The following TJP1 variants were observed in gnomAD, a reference collection of about 807,000 sequenced individuals.
TJP1 encodes the protein tight junction protein 1.
In TJP1, 43 loss-of-function variants were observed where a neutral mutation model predicts 194.2. The ratio of observed to expected loss-of-function variants is 0.22; its 90% confidence interval spans 0.17 to 0.29. The LOEUF (loss-of-function observed/expected upper bound fraction) is 0.29, where lower values mean the gene tolerates loss of function less well. Ranked by LOEUF, TJP1 falls within the 10% of genes least tolerant of loss-of-function variation. The pLI, the probability that TJP1 is intolerant of heterozygous loss-of-function variation, is 1.00. For missense variants in TJP1, 1,971 were observed against 2,185.7 expected (o/e 0.90, Z 1.96); for synonymous variants, 801 against 779.0 (o/e 1.03, Z -0.47).
chr15:29,758,621 CT>C (rs2045800977), intron 8 of TJP1, among the ~76,000 whole-genome samples: 1 of 152,144 alleles, frequency 6.6e-6, no homozygotes. Context: ...GTCCAAATTA[CT>C]TAAGCATGGT....
chr15:29,764,485 G>A (rs2046208072), intron 5 of TJP1, among the ~76,000 whole-genome samples: 1 of 152,170 alleles, frequency 6.6e-6, no homozygotes, highest in Non-Finnish European at 1.5e-5. Flanking sequence ...GAAATCTGCA[G>A]AATCAACTTA....
At chr15:29,733,042 T>C (rs1348210496) in intron 13 of TJP1, 52 bp downstream of exon 13, 31 of 1,565,312 alleles carry the variant, frequency 2.0e-5, no homozygotes, top group Non-Finnish European at 2.5e-5. Context: ...ATTGAAATGA[T>C]CTATCATCAT....
chr15:29,731,817 GA>G (rs1190666100), intron 15 of TJP1, among the ~76,000 whole-genome samples: 1 of 150,582 alleles, frequency 6.6e-6, no homozygotes, highest in Non-Finnish European at 1.5e-5. Flanking sequence ...AAAAAAAAAA[GA>G]AAGTAAATAA....
At chr15:29,950,852 A>G (rs2055722993) in intron 2 of TJP1, among the ~76,000 whole-genome samples, 1 of 152,184 alleles carries the variant, frequency 6.6e-6, no homozygotes, top group Non-Finnish European at 1.5e-5. Flanking sequence ...CCAGTCTCAT[A>G]GTAGGAAGTC....
intron 2 of TJP1, among the ~76,000 whole-genome samples, chr15:29,877,602 C>A (rs1253301105): frequency 1.3e-5 from 2 of 151,280 alleles, no homozygotes; most frequent in African/African-American, 4.9e-5. Flanking sequence ...CTTTCTCCTT[C>A]CTTCCTTCCC....
At chr15:29,918,900 G>A (rs1014510722) in intron 2 of TJP1, among the ~76,000 whole-genome samples, 4 of 152,122 alleles carry the variant, frequency 2.6e-5, no homozygotes, top group African/African-American at 9.7e-5. Context: ...CTAGAGAGAA[G>A]AAAGGTGTTT....
At chr15:29,765,006 G>A (rs532915490) in intron 5 of TJP1, among the ~76,000 whole-genome samples, 5 of 152,234 alleles carry the variant, frequency 3.3e-5, no homozygotes, top group South Asian at 2.1e-4. Flanking sequence ...CTGACAGAAC[G>A]TTATAAAGGG....
intron 2 of TJP1, among the ~76,000 whole-genome samples, chr15:29,845,720 C>T (rs1021850511): frequency 6.6e-6 from 1 of 152,066 alleles, no homozygotes; most frequent in Non-Finnish European, 1.5e-5. Context: ...AGGAGAATGG[C>T]GTGAAACCGG....
chr15:29,951,083 T>C (rs576892173), intron 2 of TJP1, among the ~76,000 whole-genome samples: 128 of 152,106 alleles, frequency 8.4e-4, no homozygotes, highest in African/African-American at 3.0e-3. Flanking sequence ...ACATGAGGGG[T>C]TGAGGGAGGA....
intron 8 of TJP1, among the ~76,000 whole-genome samples, chr15:29,743,885 G>A (rs1297379962): frequency 6.6e-6 from 1 of 152,134 alleles, no homozygotes; most frequent in Non-Finnish European, 1.5e-5. Flanking sequence ...AAATTAATTA[G>A]AAACTGTATT....
intron 18 of TJP1, among the ~76,000 whole-genome samples, chr15:29,724,453 T>C (rs917994854): frequency 1.3e-5 from 2 of 152,246 alleles, no homozygotes; most frequent in African/African-American, 4.8e-5. Context: ...ATTGAAAGTC[T>C]GGGCAAGAAT....
At chr15:29,922,392 G>C (rs2054394261) in intron 2 of TJP1, among the ~76,000 whole-genome samples, 1 of 139,018 alleles carries the variant, frequency 7.2e-6, no homozygotes, top group African/African-American at 2.6e-5. Context: ...TTAATGCAAA[G>C]GTCAGCTAAA....
At chr15:29,944,549 T>C (rs17683811) in intron 2 of TJP1, among the ~76,000 whole-genome samples, 23,727 of 152,180 alleles carry the variant, frequency 0.16, 2,098 homozygotes, top group East Asian at 0.3. Context: ...CAACATCTTA[T>C]TGACAAAATA....
At chr15:29,765,939 T>C (rs189141926) in intron 5 of TJP1, among the ~76,000 whole-genome samples, 1 of 152,288 alleles carries the variant, frequency 6.6e-6, no homozygotes, top group Non-Finnish European at 1.5e-5. Flanking sequence ...TTTCTCTCCA[T>C]GATTACACTA....
intron 2 of TJP1, among the ~76,000 whole-genome samples, chr15:29,790,032 GC>G (rs1199915528): frequency 6.6e-6 from 1 of 152,188 alleles, no homozygotes; most frequent in Non-Finnish European, 1.5e-5. Context: ...AACCTGGAGA[GC>G]CACTGCTCTA....
chr15:29,949,088 T>G (rs1412208423), intron 2 of TJP1, among the ~76,000 whole-genome samples: 1 of 131,558 alleles, frequency 7.6e-6, no homozygotes, highest in Non-Finnish European at 1.6e-5. Context: ...AACCTACTCC[T>G]TCACCACCAC....
intron 4 of TJP1, among the ~76,000 whole-genome samples, chr15:29,770,927 TACA>T (rs2046628927): frequency 1.3e-5 from 2 of 152,122 alleles, no homozygotes; most frequent in Admixed American, 6.5e-5. Flanking sequence ...GTACAGTGTT[TACA>T]AAGTCTACAG....
At chr15:29,807,570 C>G (rs1169987300) in intron 1 of TJP1, among the ~76,000 whole-genome samples, 1 of 152,062 alleles carries the variant, frequency 6.6e-6, no homozygotes, top group Non-Finnish European at 1.5e-5. Context: ...TTGCATAACT[C>G]TCTTTCTTAG....
intron 2 of TJP1, among the ~76,000 whole-genome samples, chr15:29,933,557 C>T (rs114748563): frequency 0.015 from 2,242 of 152,104 alleles, 55 homozygotes; most frequent in African/African-American, 0.05. Context: ...TTGAGAGAGA[C>T]GGCTGTGGAG....
Sources: gnomAD v4.1 joint callset for allele counts (sites outside exome capture counted in the v4.1 genomes callset) on GRCh38, gnomAD v4.1.1 for gene constraint, MANE v1.5 for transcripts, NCBI Gene and HGNC (gene_info 2026-07-23, HGNC 2026-07-21) for gene names.